STAG1: variants seen among roughly 807,000 people sequenced by gnomAD.
STAG1 encodes STAG1 cohesin complex component.
STAG1 carries 26 observed loss-of-function variants against 170.9 expected under a neutral mutation model. The observed-to-expected ratio is 0.15, with a 90% CI of 0.11 to 0.21. The LOEUF is 0.21. STAG1 is among the 10% of genes least tolerant of loss of function. The pLI is 1.00. For missense variants in STAG1, 964 were observed against 1,509.5 expected (o/e 0.64, Z 5.99); for synonymous variants, 514 against 497.7 (o/e 1.03, Z -0.44).
intron 26 of STAG1, among the ~76,000 whole-genome samples, chr3:136,360,264 A>G (rs1450085579): frequency 6.6e-6 from 1 of 152,172 alleles, no homozygotes; most frequent in African/African-American, 2.4e-5. Context: ...TATGTATTAG[A>G]TAAGAAGGGA....
chr3:136,603,926 A>G (rs1938812211), intron 4 of STAG1, among the ~76,000 whole-genome samples: 1 of 152,060 alleles, frequency 6.6e-6, no homozygotes, highest in African/African-American at 2.4e-5. Flanking sequence ...GTTACAAATG[A>G]TGTAGTTCTG....
intron 1 of STAG1, among the ~76,000 whole-genome samples, chr3:136,716,181 GCA>G (rs1256623433): frequency 4.6e-5 from 7 of 151,934 alleles, no homozygotes; most frequent in Non-Finnish European, 1.0e-4. Context: ...GTCATGGCGG[GCA>G]CAGTGGCTCA....
intron 26 of STAG1, 54 bp downstream of exon 26, chr3:136,363,312 G>T: frequency 1.1e-6 from 1 of 915,764 alleles, no homozygotes; most frequent in African/African-American, 1.7e-5. Flanking sequence ...TAAGCACAGA[G>T]AAGTGCAATA....
At chr3:136,622,135 TAAAAAAAAAA>T (rs75542452) in intron 3 of STAG1, among the ~76,000 whole-genome samples, 1 of 92,814 alleles carries the variant, frequency 1.1e-5, no homozygotes, top group Non-Finnish European at 2.0e-5. Flanking sequence ...CCATCTCTAC[TAAAAAAAAAA>T]AAAAAAAAAA....
intron 1 of STAG1, among the ~76,000 whole-genome samples, chr3:136,700,867 A>ATTT (rs1030124272): frequency 8.7e-6 from 1 of 114,884 alleles, no homozygotes; most frequent in Non-Finnish European, 1.8e-5. Context: ...TGTGTGCTCT[A>ATTT]TTTTTTTTCT....
intron 13 of STAG1, among the ~76,000 whole-genome samples, chr3:136,461,585 G>C (rs556379445): frequency 6.9e-6 from 1 of 144,920 alleles, no homozygotes; most frequent in African/African-American, 2.6e-5. Context: ...GCAAGACTCC[G>C]TCTTGAAAAA....
chr3:136,696,497 C>T (rs1942895425), intron 1 of STAG1, among the ~76,000 whole-genome samples: 1 of 151,974 alleles, frequency 6.6e-6, no homozygotes, highest in African/African-American at 2.4e-5. Flanking sequence ...ATAGAATGTA[C>T]ACCACCAAGA....
chr3:136,373,281 G>T (rs979183462), intron 23 of STAG1, among the ~76,000 whole-genome samples: 4 of 151,824 alleles, frequency 2.6e-5, no homozygotes, highest in African/African-American at 4.8e-5. Context: ...CAATTTTGTT[G>T]ATTTTTTCAA....
chr3:136,484,891 C>T (rs1339596110), intron 9 of STAG1, among the ~76,000 whole-genome samples: 9 of 151,890 alleles, frequency 5.9e-5, no homozygotes, highest in Admixed American at 3.3e-4. Flanking sequence ...AACTCCCTGA[C>T]CCTTGCGCTT....
chr3:136,697,487 T>A (rs554152400), intron 1 of STAG1, among the ~76,000 whole-genome samples: 1 of 152,336 alleles, frequency 6.6e-6, no homozygotes, highest in East Asian at 1.9e-4. Context: ...TCTCTGGGGA[T>A]GAGATCCAGC....
chr3:136,599,355 A>C (rs1376088005), intron 4 of STAG1, among the ~76,000 whole-genome samples: 1 of 151,848 alleles, frequency 6.6e-6, no homozygotes, highest in Non-Finnish European at 1.5e-5. Flanking sequence ...ACATGGCAAA[A>C]CCCTGTATCT....
At chr3:136,472,379 C>A in intron 12 of STAG1, 34 bp downstream of exon 12, 1 of 1,494,686 alleles carries the variant, frequency 6.7e-7, no homozygotes, top group South Asian at 1.2e-5. Flanking sequence ...ATTAAAATAT[C>A]AATAAAGTTA....
At chr3:136,341,093 A>G (rs1935950198) in intron 31 of STAG1, among the ~76,000 whole-genome samples, 1 of 152,146 alleles carries the variant, frequency 6.6e-6, no homozygotes. Context: ...TATTTTTAGT[A>G]GAGACGGGGT....
chr3:136,423,173 A>G, intron 16 of STAG1, 129 bp from the exon 17 acceptor site: 2 of 585,274 alleles, frequency 3.4e-6, no homozygotes, highest in South Asian at 6.8e-5. Context: ...GACTGAAATA[A>G]ACACAAGAAA....
chr3:136,477,201 A>C, intron 10 of STAG1, 88 bp downstream of exon 10: 2 of 1,409,532 alleles, frequency 1.4e-6, no homozygotes, highest in Non-Finnish European at 1.9e-6. Flanking sequence ...ACAACTCCTG[A>C]AAAATCAACT....
At chr3:136,604,807 G>A (rs1031825805) in intron 3 of STAG1, among the ~76,000 whole-genome samples, 1 of 151,822 alleles carries the variant, frequency 6.6e-6, no homozygotes, top group Non-Finnish European at 1.5e-5. Context: ...CCACCACCAC[G>A]ACCAGTTAAT....
chr3:136,732,237 T>TA (rs71134406), intron 1 of STAG1, among the ~76,000 whole-genome samples: 33,339 of 85,592 alleles, frequency 0.39, 4,829 homozygotes, highest in Middle Eastern at 0.44. Context: ...TATCCACAAC[T>TA]AAAAAAAAAA....
chr3:136,675,081 C>A (rs537515779), intron 1 of STAG1, among the ~76,000 whole-genome samples: 6 of 152,294 alleles, frequency 3.9e-5, no homozygotes, highest in African/African-American at 1.4e-4. Flanking sequence ...AGTAGATGTC[C>A]TTCCAAAGTG....
At chr3:136,427,974 G>A (rs932052890) in intron 16 of STAG1, among the ~76,000 whole-genome samples, 1 of 151,992 alleles carries the variant, frequency 6.6e-6, no homozygotes, top group African/African-American at 2.4e-5. Flanking sequence ...TGTTTCTGCT[G>A]ACCAAGAGGC....
Sources: gnomAD v4.1 joint callset for allele counts (sites outside exome capture counted in the v4.1 genomes callset) on GRCh38, gnomAD v4.1.1 for gene constraint, MANE v1.5 for transcripts, NCBI Gene and HGNC (gene_info 2026-07-23, HGNC 2026-07-21) for gene names.